Variants in DNAH10 observed in about 807,000 individuals in gnomAD.
DNAH10 encodes the protein axonemal beta dynein heavy chain 10.
Under a neutral mutation model 506.6 loss-of-function variants are expected in DNAH10, and 348 were observed. The observed-to-expected ratio is 0.69, with a 90% CI of 0.63 to 0.75. DNAH10 has a LOEUF of 0.75. DNAH10 is among the 30% of genes least tolerant of loss of function. The pLI is 0.00. For missense variants in DNAH10, 5,179 were observed against 5,787.1 expected, an observed-to-expected ratio of 0.89 and a Z score of 3.41; for synonymous variants, 2,059 against 2,198.6, an observed-to-expected ratio of 0.94 and a Z score of 1.78.
chr12:123,926,806 C>T lies in DNAH10; in HGVS notation c.12091C>T (p.Gln4031Ter). 6.2e-7 allele frequency: 1 copy of T among 1,613,884 alleles called. No homozygotes were observed. The highest frequency in any genetic ancestry group is 8.5e-7 in the Non-Finnish European group (1 of 1,179,876). ...GNRLKFLAMG[Q>*]GQEKVALQLL... is the part of the protein sequence containing the mutation. ...TCGCCTCAAATTCCTTGCAATGGGT[C>T]AAGGTCAAGAAAAGGTAATTTGTGG... Residue 4031 changes from glutamine (Q) to a stop codon, truncating the protein, a stop_gained, in exon 69 of 79, where the codon CAA becomes TAA. Coordinates refer to ENST00000673944, the MANE Select transcript of DNAH10 (RefSeq NM_001372106.1). LOFTEE classifies it high-confidence loss of function. This position sits in a 1 kb window ranked among gnomAD's most constrained non-coding sequence, Gnocchi z 4.1.
chr12:123,870,387 A>T lies in DNAH10; in HGVS notation c.7541A>T (p.Asp2514Val). 6.2e-7 allele frequency: 1 copy of T among 1,613,852 alleles called. No individual in the cohort carries two copies. The highest frequency in any genetic ancestry group is 8.5e-7 in the Non-Finnish European group (1 of 1,179,854). ...GCAGGTCAACTTCCAACCTTGTATGACTTTCATTTTGATAACAAACGGAAT... is the reference window on the plus strand; with the variant it reads ...GCAGGTCAACTTCCAACCTTGTATGTCTTTCATTTTGATAACAAACGGAAT... ...ELPGQLPTLY[D>V]FHFDNKRNQW... The change falls in exon 44 of 79, where the codon GAC becomes GTC. Residue 2514 changes from aspartate to valine, a missense_variant. Physicochemically the swap from Asp to Val is radical, Grantham distance 152 (BLOSUM62 -3). Transcript: ENST00000673944.
chr12:123,860,004 T>C (rs1475872513), intron 38 of DNAH10, among the ~76,000 whole-genome samples: 7 of 150,768 alleles, frequency 4.6e-5, no homozygotes, highest in Admixed American at 4.6e-4. Context: ...CACACCAGCC[T>C]GGGCAACAGA....
intron 18 of DNAH10, 118 bp downstream of exon 18, chr12:123,805,158 G>A: frequency 3.7e-6 from 4 of 1,077,964 alleles, no homozygotes; most frequent in Admixed American, 2.3e-5. Context: ...ATGGTCAGAG[G>A]CTTTCTGGCA....
intron 24 of DNAH10, among the ~76,000 whole-genome samples, chr12:123,821,665 C>CA (rs1475152063): frequency 2.0e-5 from 3 of 151,060 alleles, no homozygotes; most frequent in African/African-American, 7.4e-5. Flanking sequence ...ATTAAAATGA[C>CA]AATTTTTTTT....
At chr12:123,832,169 C>T (rs916455462) in intron 26 of DNAH10, among the ~76,000 whole-genome samples, 3 of 152,114 alleles carry the variant, frequency 2.0e-5, no homozygotes, top group Admixed American at 6.5e-5. Flanking sequence ...AATGTACATA[C>T]AGTGTACCTA....
At chr12:123,786,133 T>C (rs975123812) in intron 9 of DNAH10, among the ~76,000 whole-genome samples, 197 bp downstream of exon 9, 1 of 151,972 alleles carries the variant, frequency 6.6e-6, no homozygotes, top group African/African-American at 2.4e-5. Context: ...GGCGGATTGC[T>C]TGAGGCCAGA....
chr12:123,816,200 G>T (rs1286026495), intron 21 of DNAH10, among the ~76,000 whole-genome samples: 1 of 152,226 alleles, frequency 6.6e-6, no homozygotes, highest in Non-Finnish European at 1.5e-5. Context: ...AGTGACAAGA[G>T]TGTCTTTTGT....
intron 21 of DNAH10, among the ~76,000 whole-genome samples, chr12:123,817,520 C>G (rs1959170181): frequency 6.6e-6 from 1 of 152,136 alleles, no homozygotes; most frequent in African/African-American, 2.4e-5. Context: ...TTGTCATTAT[C>G]CATTCCAGAA....
In DNAH10 at chr12:123,909,361, A is replaced by G; in HGVS notation, c.9916A>G (p.Met3306Val). Residue 3306 changes from methionine (M) to valine (V), a missense_variant, in exon 58 of 79, where the codon ATG (methionine) becomes GTG (valine). Coordinates refer to ENST00000673944, the MANE Select transcript of DNAH10 (RefSeq NM_001372106.1). The surrounding 1 kb of genome is among the most constrained non-coding windows in gnomAD (Gnocchi z 5.4). ...ELNWKTAKGV[M>V]SDPNFLRSLM... The stretch of plus-strand genomic sequence containing the variant: ...GAACTGGAAAACAGCCAAGGGCGTG[A>G]TGTCCGACCCGAATTTCCTGCGGTC... 1 of 1,612,418 alleles carries G rather than the reference A, an allele frequency of 6.2e-7. No individual in the cohort carries two copies. Among genetic ancestry groups the G allele is most frequent in the South Asian group, 1.1e-5 (1 of 90,532 alleles).
chr12:123,869,210 T>C (rs1404065522), intron 43 of DNAH10, among the ~76,000 whole-genome samples: 1 of 152,188 alleles, frequency 6.6e-6, no homozygotes, highest in Non-Finnish European at 1.5e-5. Context: ...TTTGGCCTCA[T>C]GGGGATGGAC....
chr12:123,879,088 A>C (rs1952384830), intron 48 of DNAH10, among the ~76,000 whole-genome samples, 176 bp from the exon 49 acceptor site: 1 of 152,072 alleles, frequency 6.6e-6, no homozygotes, highest in Admixed American at 6.5e-5. Context: ...TTACTTTCTT[A>C]GCTTCTGTTG....
At chr12:123,867,652 A>G in intron 42 of DNAH10, 51 bp downstream of exon 42, 1 of 1,607,004 alleles carries the variant, frequency 6.2e-7, no homozygotes, top group Non-Finnish European at 8.5e-7. Flanking sequence ...CCTAAAGACA[A>G]GCTCACGGTA....
intron 74 of DNAH10, 41 bp downstream of exon 74, chr12:123,931,513 T>G (rs1955207236): frequency 4.4e-6 from 7 of 1,607,888 alleles, no homozygotes; most frequent in Non-Finnish European, 5.9e-6. Context: ...TTGATTGGGG[T>G]TTTACGATTG....
chr12:123,797,027 C>T (rs531123048), intron 13 of DNAH10, among the ~76,000 whole-genome samples, 195 bp downstream of exon 13: 3 of 152,144 alleles, frequency 2.0e-5, no homozygotes, highest in South Asian at 2.1e-4. Flanking sequence ...TGTGCCACCA[C>T]GTCCGGCTAA....
chr12:123,859,224 G>C lies in DNAH10; in HGVS notation c.6705G>C (p.Gly2235=). ...CGATGGTGGTGGGGCCCACCAGAGG[G>C]GGCAAGTCCGTCGTCATTAACACTC... is the stretch of plus-strand genomic sequence containing the variant. ...HTTMVVGPTR[G]GKSVVINTLC... is the part of the protein sequence containing the mutation. Residue 2235 remains glycine, a synonymous_variant, in exon 38 of 79, where the codon GGG becomes GGC. Coordinates refer to ENST00000673944, the MANE Select transcript of DNAH10 (RefSeq NM_001372106.1). 1 of 1,610,888 alleles carries C rather than the reference G, an allele frequency of 6.2e-7. No homozygotes were observed. Among genetic ancestry groups the C allele is most frequent in the Non-Finnish European group, 8.5e-7 (1 of 1,178,860 alleles).
chr12:123,932,201 C>T (rs1473013566), intron 76 of DNAH10, 93 bp downstream of exon 76: 2 of 1,465,092 alleles, frequency 1.4e-6, no homozygotes, highest in South Asian at 1.2e-5. Context: ...CATTGCCCAG[C>T]AGTAACCTCT....
At chr12:123,802,456 C>T (rs1275182030) in intron 16 of DNAH10, among the ~76,000 whole-genome samples, 2 of 152,150 alleles carry the variant, frequency 1.3e-5, no homozygotes, top group African/African-American at 4.8e-5. Context: ...TAGGCACCTG[C>T]CACCACTTCT....
At chr12:123,923,907 C>A in intron 66 of DNAH10, 40 bp downstream of exon 66, 2 of 1,401,126 alleles carry the variant, frequency 1.4e-6, no homozygotes, top group Non-Finnish European at 2.0e-6. Flanking sequence ...CATCTCCTTG[C>A]CCACATGATA....
chr12:123,898,087 ATC>A, intron 55 of DNAH10, 120 bp downstream of exon 55: 1 of 970,752 alleles, frequency 1.0e-6, no homozygotes, highest in Non-Finnish European at 1.4e-6. Flanking sequence ...AACGAAGCAC[ATC>A]TTGGATTTTG....
Sources: allele counts gnomAD v4.1 joint callset (sites outside exome capture counted in the v4.1 genomes callset), GRCh38; gene constraint gnomAD v4.1.1; non-coding constraint Gnocchi (gnomAD v3.1); transcripts MANE v1.5; gene names NCBI Gene and HGNC (gene_info 2026-07-23, HGNC 2026-07-21).